The following CUL9 variants were observed in gnomAD, a reference collection of about 807,000 sequenced individuals.
The protein encoded by CUL9 is cullin-9.
In CUL9, 79 loss-of-function variants were observed where a neutral mutation model predicts 272.6. That is an observed-to-expected ratio of 0.29 (90% confidence interval 0.24 to 0.35). The LOEUF is 0.35. Among genes scored for constraint, CUL9 ranks in the 10% least tolerant of loss-of-function variants. The pLI is 1.00. For missense variants in CUL9, 2,532 were observed against 3,255.6 expected (o/e 0.78, Z 5.41); for synonymous variants, 1,186 against 1,286.5 (o/e 0.92, Z 1.67).
Position 43,186,358 on chromosome 6 carries a change from C to T in CUL9, c.1154C>T (p.Pro385Leu), listed in dbSNP as rs1772911922. 1.2e-6 allele frequency: 2 copies of T among 1,614,154 alleles called. No individual in the cohort carries two copies. Among genetic ancestry groups the T allele is most frequent in the East Asian group, 2.2e-5 (1 of 44,886 alleles). Residue 385 changes from proline to leucine, a missense_variant, in exon 4 of 41, where the codon CCA becomes CTA. By Grantham distance (98) the Pro-to-Leu change is moderately conservative. This residue lies in a region of CUL9 where 2,218 missense variants were observed against 2,788.6 expected (regional missense o/e 0.80). Coordinates refer to ENST00000252050, the MANE Select transcript of CUL9 (RefSeq NM_015089.4). The stretch of plus-strand genomic sequence containing the variant: ...GAATATGTGCAGCAGACACTGCAGC[C>T]AGGGATGCGAGTGCGGATGCTGGAT... The part of the protein sequence containing the change: ...YGEYVQQTLQ[P>L]GMRVRMLDDY...
Position 43,196,230 on chromosome 6 carries a change from C to G in CUL9, c.2550C>G (p.Val850=). Residue 850 remains valine (V), a synonymous_variant, in exon 10 of 41, where the codon GTC becomes GTG. Coordinates refer to ENST00000252050, the MANE Select transcript of CUL9 (RefSeq NM_015089.4). The stretch of plus-strand genomic sequence containing the variant: ...GCTCTGAGAGCCTGCTCCTCACTGT[C>G]CCTGCAGCCGTGATCCTGATGCTGA... The part of the protein sequence containing the change: ...RPGSESLLLT[V]PAAVILMLNT... The G allele has an allele frequency of 6.2e-7, 1 of 1,614,106 alleles. No individual in the cohort carries two copies. Among genetic ancestry groups the G allele is most frequent in the Non-Finnish European group, 8.5e-7 (1 of 1,180,044 alleles).
At chr6:43,198,878 A>G (rs1774257307) in intron 12 of CUL9, 23 bp downstream of exon 12, 5 of 1,604,144 alleles carry the variant, frequency 3.1e-6, no homozygotes, top group Non-Finnish European at 3.4e-6. Context: ...TTGAGGCACC[A>G]TGCATTGGGA....
chr6:43,185,655 C>T (rs759810417), intron 3 of CUL9, 45 bp downstream of exon 3: 1 of 1,576,592 alleles, frequency 6.3e-7, no homozygotes, highest in Non-Finnish European at 8.6e-7. Context: ...AGGGCTAAGA[C>T]ATTATTTATG....
chr6:43,203,806 T>C lies in CUL9; in HGVS notation c.4026-48T>C. 1 of 1,560,700 alleles carries C rather than the reference T, an allele frequency of 6.4e-7. No homozygotes were observed. Among genetic ancestry groups the C allele is most frequent in the Non-Finnish European group, 8.7e-7 (1 of 1,149,100 alleles). On this transcript the variant is annotated intron_variant, in intron 19 of 40. Transcript: ENST00000252050. This position sits in a 1 kb window ranked among gnomAD's most constrained non-coding sequence, Gnocchi z 5.0. ...TGATCTGCACTTGAATGGAGGCCTC[T>C]GGGAAATCGGTGCCATTAATCCTCC...
intron 8 of CUL9, among the ~76,000 whole-genome samples, chr6:43,192,146 C>T (rs1377481487): frequency 6.7e-6 from 1 of 149,938 alleles, no homozygotes; most frequent in Non-Finnish European, 1.5e-5. Flanking sequence ...GCTGCTGCCT[C>T]GACCTCCCAG....
At chr6:43,205,840 A>AT (rs1775002119) in intron 24 of CUL9, among the ~76,000 whole-genome samples, 167 bp from the exon 25 acceptor site, 2 of 151,954 alleles carry the variant, frequency 1.3e-5, no homozygotes, top group Admixed American at 6.6e-5. Context: ...AAAAAAAAAA[A>AT]AAAAAAGTGG....
Position 43,213,756 on chromosome 6 carries a change from G to A in CUL9, c.5532G>A (p.Glu1844=), listed in dbSNP as rs1051618709. ...LHEPGPQRSG[E]ALWLIPPQAY... is the part of the protein sequence containing the mutation. Reference sequence around the variant, plus strand: ...AGCCTGGGCCCCAGCGCAGTGGGGAGGCCCTGTGGCTGATACCTCCCCAGG... The same window carrying A: ...AGCCTGGGCCCCAGCGCAGTGGGGAAGCCCTGTGGCTGATACCTCCCCAGG... Residue 1844 remains glutamate (E), a synonymous_variant, in exon 29 of 41, where the codon GAG becomes GAA. Coordinates refer to ENST00000252050, the MANE Select transcript of CUL9 (RefSeq NM_015089.4). This position sits in a 1 kb window ranked among gnomAD's most constrained non-coding sequence, Gnocchi z 5.7. The A allele has an allele frequency of 1.9e-6, 3 of 1,613,816 alleles. No individual in the cohort carries two copies. Among genetic ancestry groups the A allele is most frequent in the African/African-American group, 2.7e-5 (2 of 74,916 alleles).
rs1047323061 is a variant in CUL9 at position 43,185,560 on chromosome 6, A to G, written c.700A>G (p.Thr234Ala). 5.5e-5 allele frequency: 88 copies of G among 1,613,740 alleles called. No individual in the cohort carries two copies. Among genetic ancestry groups the G allele is most frequent in the Non-Finnish European group, 7.3e-5 (86 of 1,180,042 alleles). The change falls in exon 3 of 41, where the codon ACA becomes GCA. Residue 234 changes from threonine (T) to alanine (A), a missense_variant. This residue lies in a region of CUL9 where 2,218 missense variants were observed against 2,788.6 expected (regional missense o/e 0.80). Coordinates refer to ENST00000252050, the MANE Select transcript of CUL9 (RefSeq NM_015089.4). ...YTLLELFAETTSSEEHCMAFE... is the reference protein window; with the variant it reads ...YTLLELFAETASSEEHCMAFE... ...ATTGCTGGAGCTGTTTGCAGAAACC[A>G]CATCCTCTGAAGAACACTGCATGGC...
In CUL9 at chr6:43,203,106, C is replaced by T. The variant is rs778937898; in HGVS notation, c.3754-3C>T. The T allele has an allele frequency of 2.5e-5, 40 of 1,612,972 alleles. No homozygotes were observed. The highest frequency in any genetic ancestry group is 3.4e-5 in the Non-Finnish European group (40 of 1,179,988). Reference sequence around the variant, plus strand: ...CTCTCCCTCTTCTCCCCTGCCCTACCAGGTGAATGTGATGCCCTCTGCCAG... The same window carrying T: ...CTCTCCCTCTTCTCCCCTGCCCTACTAGGTGAATGTGATGCCCTCTGCCAG... On this transcript the variant is annotated splice_region_variant and splice_polypyrimidine_tract_variant and intron_variant, in intron 17 of 40. Coordinates refer to ENST00000252050, the MANE Select transcript of CUL9 (RefSeq NM_015089.4). The surrounding 1 kb of genome is among the most constrained non-coding windows in gnomAD (Gnocchi z 5.0).
chr6:43,192,700 C>T (rs1773639721), intron 8 of CUL9, among the ~76,000 whole-genome samples: 1 of 152,154 alleles, frequency 6.6e-6, no homozygotes, highest in South Asian at 2.1e-4. Flanking sequence ...AACAAAACCA[C>T]CTTTTAGGCA....
At position 43,223,417 on chromosome 6, in the gene CUL9, C is replaced by T. The variant is rs1351027036; in HGVS notation, c.7284+20C>T. The T allele has an allele frequency of 6.3e-7, 1 of 1,576,364 alleles. No homozygotes were observed. The highest frequency in any genetic ancestry group is 8.6e-7 in the Non-Finnish European group (1 of 1,157,092). On this transcript the variant is annotated intron_variant, in intron 39 of 40. Coordinates refer to ENST00000252050, the MANE Select transcript of CUL9 (RefSeq NM_015089.4). This position sits in a 1 kb window ranked among gnomAD's most constrained non-coding sequence, Gnocchi z 4.1. ...GCCCAGGTACTGCCCGGCCCAGACC[C>T]CTTCTGCTCCTGCATTCTGCGGGAG...
chr6:43,194,211 A>C (rs2150550352), intron 9 of CUL9, among the ~76,000 whole-genome samples: 1 of 152,338 alleles, frequency 6.6e-6, no homozygotes, highest in South Asian at 2.1e-4. Flanking sequence ...TAATGGCAGC[A>C]GCATGAACGG....
In CUL9 at chr6:43,224,528, G is replaced by A. The variant is rs1441172209; in HGVS notation, c.*83G>A. ...GGAGCTGCCCCTGTCATAGGGAGGG[G>A]GATTCCCAGCGTCTGTAGTGCTTCC... On this transcript the variant is annotated 3_prime_UTR_variant, in exon 41 of 41. Transcript: ENST00000252050. This position sits in a 1 kb window ranked among gnomAD's most constrained non-coding sequence, Gnocchi z 4.2. 6.1e-6 allele frequency: 8 copies of A among 1,318,248 alleles called. No homozygotes were observed. The East Asian group carries it at 1.7e-4, about 27-fold the overall frequency. 81.7% of individuals were successfully genotyped at this position (1,318,248 alleles called of 1,614,324 possible).
rs758609008 is a variant in CUL9 at position 43,206,358 on chromosome 6, T to A, written c.5060T>A (p.Phe1687Tyr). Residue 1687 changes from phenylalanine (F) to tyrosine (Y), a missense_variant, in exon 26 of 41, where the codon TTT becomes TAT. Physicochemically the swap from Phe to Tyr is conservative, Grantham distance 22 (BLOSUM62 3). Around this residue, in one of 3 missense-constraint regions of CUL9, gnomAD observed 2,218 missense variants for 2,788.6 expected, o/e 0.80. Coordinates refer to ENST00000252050, the MANE Select transcript of CUL9 (RefSeq NM_015089.4). The surrounding 1 kb of genome is among the most constrained non-coding windows in gnomAD (Gnocchi z 4.8). Reference sequence around the variant, plus strand: ...GAAGAGGAAGCTGAGAAAGAATTATTTATCGAAGATCCAAGTCCAGCCATT... The same window carrying A: ...GAAGAGGAAGCTGAGAAAGAATTATATATCGAAGATCCAAGTCCAGCCATT... ...EEEEEAEKEL[F>Y]IEDPSPAISI... 6.2e-7 allele frequency: 1 copy of A among 1,614,074 alleles called. No homozygotes were observed. Among genetic ancestry groups the A allele is most frequent in the South Asian group, 1.1e-5 (1 of 91,074 alleles).
rs1189885148 is a variant in CUL9 at position 43,218,722 on chromosome 6, G to C, written c.6283-1737G>C. On this transcript the variant is annotated intron_variant, in intron 31 of 40. Coordinates refer to ENST00000252050, the MANE Select transcript of CUL9 (RefSeq NM_015089.4). The surrounding 1 kb of genome is among the most constrained non-coding windows in gnomAD (Gnocchi z 4.4). ...CGGGAGTTGGTGGGTTAAATGTAGGGGCTTCAGACAGGGGAATCAAGGATG... is the reference window on the plus strand; with the variant it reads ...CGGGAGTTGGTGGGTTAAATGTAGGCGCTTCAGACAGGGGAATCAAGGATG... Among the ~76,000 whole-genome samples, 1 of 152,160 alleles carries C rather than the reference G, an allele frequency of 6.6e-6. No individual in the cohort carries two copies. The highest frequency in any genetic ancestry group is 1.9e-4 in the East Asian group (1 of 5,194).
intron 30 of CUL9, among the ~76,000 whole-genome samples, chr6:43,215,750 T>A (rs1775888674): frequency 6.6e-6 from 1 of 152,208 alleles, no homozygotes; most frequent in African/African-American, 2.4e-5. Context: ...ATGGCGCCAG[T>A]GTTAAAATGC....
Position 43,193,201 on chromosome 6 carries a change from G to T in CUL9, c.2381G>T (p.Gly794Val). 1 of 1,614,002 alleles carries T rather than the reference G, an allele frequency of 6.2e-7. No individual in the cohort carries two copies. The highest frequency in any genetic ancestry group is 8.5e-7 in the Non-Finnish European group (1 of 1,179,932). The change falls in exon 9 of 41, where the codon GGG becomes GTG. Residue 794 changes from glycine to valine, a missense_variant. Around this residue, in one of 3 missense-constraint regions of CUL9, gnomAD observed 2,218 missense variants for 2,788.6 expected, o/e 0.80. Coordinates refer to ENST00000252050, the MANE Select transcript of CUL9 (RefSeq NM_015089.4). ...ACTTCTGTCTTGGTGCAGCAGGCTGGGCTGGCGGTGAGTACATTGGGCCTG... is the reference window on the plus strand; with the variant it reads ...ACTTCTGTCTTGGTGCAGCAGGCTGTGCTGGCGGTGAGTACATTGGGCCTG... Reference protein sequence around the residue: ...YKTSVLVQQAGLAALKMLAVA... With the variant: ...YKTSVLVQQAVLAALKMLAVA...
rs540417298 is a variant in CUL9, at chr6:43,196,364, G to T, written c.2585+99G>T. On this transcript the variant is annotated intron_variant, in intron 10 of 40. Transcript: ENST00000252050. Reference sequence around the variant, plus strand: ...TGTACTCCACAGAAATTCCCCTCACGCTGTCACCTCCGGATTAAGCATTGG... The same window carrying T: ...TGTACTCCACAGAAATTCCCCTCACTCTGTCACCTCCGGATTAAGCATTGG... 2.5e-6 allele frequency: 3 copies of T among 1,201,208 alleles called. No individual in the cohort carries two copies. In the East Asian group the frequency reaches 7.3e-5, roughly 29 times the overall value. The allele number at this position is 1,201,208 out of a possible 1,614,324, so 74.4% of individuals were successfully genotyped here. A position where few individuals can be genotyped will look rare whatever the true frequency, so the allele number is the denominator to read the frequency against.
At position 43,220,313 on chromosome 6, in the gene CUL9, G is replaced by C; in HGVS notation, c.6283-146G>C. The stretch of plus-strand genomic sequence containing the variant: ...AAAGCTGGAGAGAGGAGTCAGCATT[G>C]GTTGATCTAGAGGCAGGCTTGTTTC... On this transcript the variant is annotated intron_variant, in intron 31 of 40. Transcript: ENST00000252050. This position sits in a 1 kb window ranked among gnomAD's most constrained non-coding sequence, Gnocchi z 4.9. 1.1e-6 allele frequency: 1 copy of C among 895,020 alleles called. No homozygotes were observed. The highest frequency in any genetic ancestry group is 1.7e-6 in the Non-Finnish European group (1 of 576,906). 55.4% of individuals were successfully genotyped at this position (895,020 alleles called of 1,614,324 possible).
Sources: allele counts gnomAD v4.1 joint callset (sites outside exome capture counted in the v4.1 genomes callset), GRCh38; gene constraint gnomAD v4.1.1; regional missense constraint gnomAD v4.1.1; non-coding constraint Gnocchi (gnomAD v3.1); transcripts MANE v1.5; gene names NCBI Gene and HGNC (gene_info 2026-07-23, HGNC 2026-07-21).